MCM3AP: variants seen among roughly 807,000 people sequenced by gnomAD.
MCM3AP encodes the protein minichromosome maintenance complex component 3 associated protein, also known as germinal-center associated nuclear protein.
A neutral mutation model predicts 184.1 loss-of-function variants in MCM3AP; 126 were observed. That is an observed-to-expected ratio of 0.68 (90% CI 0.59 to 0.79). The LOEUF (loss-of-function observed/expected upper bound fraction) is 0.79, where lower values mean the gene tolerates loss of function less well. Ranked by LOEUF, MCM3AP falls within the 30% of genes least tolerant of loss-of-function variation. The probability of loss-of-function intolerance (pLI) is 0.00; values close to 1 mark genes in which losing one functional copy is unlikely to be tolerated. For missense variants in MCM3AP, 2,496 were observed against 2,479.2 expected (o/e 1.01, Z -0.14); for synonymous variants, 1,002 against 979.3 (o/e 1.02, Z -0.43).
At chr21:46,274,026 T>C (rs1236306960) in intron 6 of MCM3AP, among the ~76,000 whole-genome samples, 1 of 152,170 alleles carries the variant, frequency 6.6e-6, no homozygotes, top group African/African-American at 2.4e-5. Flanking sequence ...GGGCCTGGAA[T>C]TGCATCTCCC....
chr21:46,241,028 ATGATT>A lies in MCM3AP; in HGVS notation c.5427-16_5427-12del. ...GGCTTTATTGCCAAACTGTAAGTAC[ATGATT>A]TGAAATGTTTATGGTCAAGAGAAAA... On this transcript the variant is annotated splice_polypyrimidine_tract_variant and intron_variant, in intron 25 of 27. Coordinates refer to ENST00000291688, the MANE Select transcript of MCM3AP (RefSeq NM_003906.5). 1 of 1,585,606 alleles carries A rather than the reference ATGATT, an allele frequency of 6.3e-7. No homozygotes were observed. The highest frequency in any genetic ancestry group is 8.6e-7 in the Non-Finnish European group (1 of 1,156,768).
intron 5 of MCM3AP, among the ~76,000 whole-genome samples, chr21:46,276,345 G>A (rs1475103976): frequency 2.6e-5 from 4 of 151,784 alleles, no homozygotes; most frequent in African/African-American, 9.7e-5. Context: ...TATGATGTTT[G>A]ATGGCAGCTT....
chr21:46,261,412 C>T lies in MCM3AP; in HGVS notation c.3336-1G>A, dbSNP rs2081039554. ...ATCCTCCATAGCAGCATTAGAAACA[C>T]TAAACGGAGCAAAGGGGATAGCATT... On this transcript the variant is annotated splice_acceptor_variant, in intron 13 of 27. Coordinates refer to ENST00000291688, the MANE Select transcript of MCM3AP (RefSeq NM_003906.5). LOFTEE classifies it high-confidence loss of function. 6.2e-7 allele frequency: 1 copy of T among 1,613,836 alleles called. No individual in the cohort carries two copies.
Position 46,251,678 on chromosome 21 carries a change from G to C in MCM3AP, c.4141C>G (p.Leu1381Val), listed in dbSNP as rs756138977. Residue 1381 changes from leucine to valine, a missense_variant, in exon 20 of 28, where the codon CTA becomes GTA. By Grantham distance (32) the Leu-to-Val change is conservative (BLOSUM62 1). Coordinates refer to ENST00000291688, the MANE Select transcript of MCM3AP (RefSeq NM_003906.5). ...AACTTGACTTTTAACCAATTTGCTA[G>C]AATTCTACAGATTTAAAAAAAACAA... is the stretch of plus-strand genomic sequence containing the variant. ...EQSPESCGRI[L>V]ANWLKVKFMG... 6.4e-7 allele frequency: 1 copy of C among 1,562,606 alleles called. No individual in the cohort carries two copies.
At chr21:46,244,424 G>C (rs529571576) in intron 23 of MCM3AP, 2 of 218,238 alleles carry the variant, frequency 9.2e-6, no homozygotes, top group East Asian at 1.1e-4. Flanking sequence ...GCGGCTTGGG[G>C]ACAGGGCTAC....
At chr21:46,267,304 T>C in intron 9 of MCM3AP, 162 bp from the exon 10 acceptor site, 1 of 632,836 alleles carries the variant, frequency 1.6e-6, no homozygotes, top group Non-Finnish European at 2.8e-6. Flanking sequence ...AGCTTAGAGA[T>C]CATAGGCGGT....
In MCM3AP at chr21:46,265,491, G is replaced by A; in HGVS notation, c.3064C>T (p.Pro1022Ser). The A allele has an allele frequency of 6.2e-7, 1 of 1,610,744 alleles. No homozygotes were observed. The highest frequency in any genetic ancestry group is 8.5e-7 in the Non-Finnish European group (1 of 1,178,202). The change falls in exon 12 of 28, where the codon CCG becomes TCG. Residue 1022 changes from proline to serine, a missense_variant. This residue lies in a region of MCM3AP where 1,323 missense variants were observed against 1,273.4 expected (regional missense o/e 1.04). Coordinates refer to ENST00000291688, the MANE Select transcript of MCM3AP (RefSeq NM_003906.5). ...GGRGEECGVE[P>S]DAPLSSLPQS... The stretch of plus-strand genomic sequence containing the variant: ...GGGAGACTGGACAGGGGTGCATCCG[G>A]CTCTACACCACACTCCTCTCCTCTC...
In MCM3AP at chr21:46,243,448, C is replaced by T. The variant is rs745765490; in HGVS notation, c.5296+17G>A. ...GTCTCGTGAGGAGCTGATCCCATTGCATCAAGCTCTAATTACCTGATGTAA... is the reference window on the plus strand; with the variant it reads ...GTCTCGTGAGGAGCTGATCCCATTGTATCAAGCTCTAATTACCTGATGTAA... On this transcript the variant is annotated intron_variant, in intron 24 of 27. Transcript: ENST00000291688. The T allele has an allele frequency of 8.2e-6, 13 of 1,587,470 alleles. No individual in the cohort carries two copies. The South Asian group carries it at 1.4e-4, about 17-fold the overall frequency.
In MCM3AP at chr21:46,280,044, G is replaced by A. The variant is rs760942606; in HGVS notation, c.1616C>T (p.Pro539Leu). The change falls in exon 4 of 28, where the codon CCT (proline) becomes CTT (leucine). Residue 539 changes from proline (P) to leucine (L), a missense_variant. Pro to Leu is a moderately conservative substitution (Grantham distance 98). Around this residue, in one of 5 missense-constraint regions of MCM3AP, gnomAD observed 800 missense variants for 717.1 expected, o/e 1.12. Coordinates refer to ENST00000291688, the MANE Select transcript of MCM3AP (RefSeq NM_003906.5). ...STEDAPFQHSPLGKAAGRTGA... is the reference protein window; with the variant it reads ...STEDAPFQHSLLGKAAGRTGA... ...AGTCCTCCCTGCGGCCTTGCCAAGA[G>A]GAGAGTGCTGAAAGGGTGCATCCTC... 9.9e-6 allele frequency: 16 copies of A among 1,614,076 alleles called. No homozygotes were observed. The Admixed American group carries it at 1.7e-4, about 17-fold the overall frequency.
chr21:46,251,454 A>G (rs1175694602), intron 20 of MCM3AP, 75 bp downstream of exon 20: 7 of 1,278,148 alleles, frequency 5.5e-6, no homozygotes, highest in Middle Eastern at 1.9e-4. Context: ...CAGTATTTGC[A>G]TGGTTCCAGT....
chr21:46,260,737 AG>A, intron 15 of MCM3AP, 55 bp downstream of exon 15: 1 of 1,244,886 alleles, frequency 8.0e-7, no homozygotes, highest in Non-Finnish European at 1.2e-6. Context: ...GACACAGCCT[AG>A]GGCAGAGCCA....
rs777685549 is a variant in MCM3AP, at chr21:46,243,608, T to C, written c.5153A>G (p.Tyr1718Cys). ...GGGACTCTTGCTCTTCCACCTACAG[T>C]AGGTTCTGTGGAGCAGGTTCTCCAC... ...SQVENLLHRT[Y>C]CRWKSKSPSP... is the part of the protein sequence containing the mutation. The change falls in exon 24 of 28, where the codon TAC (tyrosine) becomes TGC (cysteine). Residue 1718 changes from tyrosine (Y) to cysteine (C), a missense_variant. Around this residue, in one of 5 missense-constraint regions of MCM3AP, gnomAD observed 1,323 missense variants for 1,273.4 expected, o/e 1.04. Coordinates refer to ENST00000291688, the MANE Select transcript of MCM3AP (RefSeq NM_003906.5). 6 of 1,614,118 alleles carry C rather than the reference T, an allele frequency of 3.7e-6. No individual in the cohort carries two copies. The highest frequency in any genetic ancestry group is 5.1e-6 in the Non-Finnish European group (6 of 1,180,020).
chr21:46,258,919 T>G lies in MCM3AP; in HGVS notation c.3734+20A>C. 6.2e-7 allele frequency: 1 copy of G among 1,613,996 alleles called. No individual in the cohort carries two copies. ...CTTCCCCGTGTGTGTGGATTTTGCC[T>G]GTAGGAACACAGGACTCACCGCTGT... On this transcript the variant is annotated intron_variant, in intron 16 of 27. Transcript: ENST00000291688.
intron 6 of MCM3AP, 142 bp from the exon 7 acceptor site, chr21:46,273,727 C>A: frequency 1.5e-6 from 1 of 659,742 alleles, no homozygotes; most frequent in Non-Finnish European, 2.5e-6. Flanking sequence ...CATAAAATTT[C>A]TGTTAAAAGG....
intron 25 of MCM3AP, 155 bp downstream of exon 25, chr21:46,242,647 A>G (rs886542186): frequency 5.0e-5 from 32 of 640,970 alleles, no homozygotes; most frequent in Admixed American, 1.0e-4. Flanking sequence ...GTTCTAGAAT[A>G]GTTTCTACTG....
In MCM3AP at chr21:46,265,231, G is replaced by A. The variant is rs17176457; in HGVS notation, c.3234+90C>T. 338 of 1,242,838 alleles carry A rather than the reference G, an allele frequency of 2.7e-4. 1 individual carries two copies. The African/African-American group carries it at 4.6e-3, about 17-fold the overall frequency. The allele number at this position is 1,242,838 out of a possible 1,614,324, so 77.0% of individuals were successfully genotyped here. A position where few individuals can be genotyped will look rare whatever the true frequency, so the allele number is the denominator to read the frequency against. On this transcript the variant is annotated intron_variant, in intron 12 of 27. Transcript: ENST00000291688. Reference sequence around the variant, plus strand: ...TCTGGACTCTCCTGAGAGACCAGGCGCCACAGCCCCACCTCATGGGGTGAT... The same window carrying A: ...TCTGGACTCTCCTGAGAGACCAGGCACCACAGCCCCACCTCATGGGGTGAT...
rs747145820 is a variant in MCM3AP at position 46,243,682 on chromosome 21, G to A, written c.5079C>T (p.Ala1693=). ...TCTGGCGTGAGCTGGGGATCTGGGAGGCGTACTGGACAACCATGGAGCACA... is the reference window on the plus strand; with the variant it reads ...TCTGGCGTGAGCTGGGGATCTGGGAAGCGTACTGGACAACCATGGAGCACA... ...LPVCSMVVQY[A]SQIPSSRQTQ... The change falls in exon 24 of 28, where the codon GCC becomes GCT. Residue 1693 remains alanine (A), a synonymous_variant. Coordinates refer to ENST00000291688, the MANE Select transcript of MCM3AP (RefSeq NM_003906.5). The A allele has an allele frequency of 6.2e-7, 1 of 1,614,188 alleles. No homozygotes were observed.
At chr21:46,278,048 G>C (rs2081277902) in intron 4 of MCM3AP, among the ~76,000 whole-genome samples, 1 of 152,086 alleles carries the variant, frequency 6.6e-6, no homozygotes, top group South Asian at 2.1e-4. Context: ...CTACTCGAGA[G>C]GCTGGGGTGA....
intron 16 of MCM3AP, among the ~76,000 whole-genome samples, chr21:46,258,737 A>ATATGTGTGTGTGTGTGTG (rs142840655): frequency 5.3e-5 from 8 of 150,086 alleles, no homozygotes; most frequent in Non-Finnish European, 1.2e-4. Context: ...CTTATATTGT[A>ATATGTGTGTGTGTGTGTG]TGTGTGTGTG....
Sources: allele counts gnomAD v4.1 joint callset (sites outside exome capture counted in the v4.1 genomes callset), GRCh38; gene constraint gnomAD v4.1.1; regional missense constraint gnomAD v4.1.1; transcripts MANE v1.5; gene names NCBI Gene and HGNC (gene_info 2026-07-23, HGNC 2026-07-21).